The following MCM3 variants were observed in gnomAD, a reference collection of about 807,000 sequenced individuals.
MCM3 encodes minichromosome maintenance complex component 3.
A neutral mutation model predicts 91.3 loss-of-function variants in MCM3; 59 were observed. The ratio of observed to expected loss-of-function variants is 0.65; its 90% confidence interval spans 0.52 to 0.80. The LOEUF is 0.80. Ranked by LOEUF, MCM3 falls within the 30% of genes least tolerant of loss-of-function variation. MCM3 has a pLI of 0.00. For missense variants in MCM3, 919 were observed against 1,035.4 expected (o/e 0.89, Z 1.54); for synonymous variants, 383 against 379.6 (o/e 1.01, Z -0.10).
Position 52,276,495 on chromosome 6 carries a change from A to T in MCM3, c.1166-19T>A. ...CGCTCTCCTGGGAAGTGAGAAGGTA[A>T]AAATACGTGCTACAGTCTAGGTTAT... On this transcript the variant is annotated intron_variant, in intron 8 of 16. Transcript: ENST00000596288. 1.2e-6 allele frequency: 2 copies of T among 1,603,542 alleles called. No homozygotes were observed. Among genetic ancestry groups the T allele is most frequent in the Non-Finnish European group, 1.7e-6 (2 of 1,171,286 alleles).
Position 52,284,597 on chromosome 6 carries a change from CT to C in MCM3, c.77del (p.Glu26GlyfsTer14). 1 of 1,606,296 alleles carries C rather than the reference CT, an allele frequency of 6.2e-7. No individual in the cohort carries two copies. The highest frequency in any genetic ancestry group is 8.5e-7 in the Non-Finnish European group (1 of 1,178,028). ...GCCCGCGCGCCGGCGCCTCCCTCAC[CT>C]CGTCGTCCAGGAAGTCCAGGTAATC... ...QRDYLDFLDD[E>X]EDQGIYQSKV... On this transcript the variant is annotated frameshift_variant and splice_region_variant, in exon 1 of 17. Coordinates refer to ENST00000596288, the MANE Select transcript of MCM3 (RefSeq NM_002388.6). LOFTEE classifies it high-confidence loss of function.
At chr6:52,284,461 T>C (rs1487605770) in intron 1 of MCM3, 136 bp downstream of exon 1, 2 of 702,658 alleles carry the variant, frequency 2.8e-6, no homozygotes, top group Non-Finnish European at 4.5e-6. Context: ...GTTACAAGAT[T>C]GGGGCTGGAG....
At chr6:52,283,142 A>C in intron 2 of MCM3, 152 bp downstream of exon 2, 11 of 79,290 alleles carry the variant, frequency 1.4e-4, no homozygotes, top group Non-Finnish European at 2.2e-4. Flanking sequence ...CTTTTTGAAA[A>C]AAAAAAAAAA....
intron 12 of MCM3, among the ~76,000 whole-genome samples, chr6:52,269,706 G>A (rs1413368107): frequency 2.0e-5 from 3 of 152,208 alleles, no homozygotes; most frequent in African/African-American, 4.8e-5. Flanking sequence ...GGACAAAAAC[G>A]TAACTTCAGT....
intron 12 of MCM3, among the ~76,000 whole-genome samples, chr6:52,269,905 T>C (rs1048038373): frequency 1.3e-5 from 2 of 152,230 alleles, no homozygotes; most frequent in Admixed American, 6.5e-5. Context: ...GGACTAGATA[T>C]GTGTACAAGT....
intron 9 of MCM3, among the ~76,000 whole-genome samples, chr6:52,274,374 A>G (rs1562385118): frequency 6.6e-6 from 1 of 152,188 alleles, no homozygotes; most frequent in Non-Finnish European, 1.5e-5. Context: ...TCAATGATCT[A>G]TATATCATAA....
chr6:52,283,852 G>A (rs1766387649), intron 1 of MCM3, among the ~76,000 whole-genome samples: 1 of 151,888 alleles, frequency 6.6e-6, no homozygotes, highest in African/African-American at 2.4e-5. Flanking sequence ...ATCAAAACAT[G>A]TGCACTTCAA....
chr6:52,265,593 C>T (rs2294833), intron 16 of MCM3, among the ~76,000 whole-genome samples: 92,866 of 151,840 alleles, frequency 0.61, 28,577 homozygotes, highest in East Asian at 0.71. Context: ...AGTAAATACA[C>T]TGTATTATGT....
intron 10 of MCM3, 148 bp downstream of exon 10, chr6:52,273,594 G>T: frequency 2.4e-6 from 2 of 839,028 alleles, no homozygotes; most frequent in Non-Finnish European, 3.7e-6. Flanking sequence ...CCTCCACTAA[G>T]CAAGAAGGGG....
chr6:52,265,908 T>C (rs1764608656), intron 16 of MCM3, among the ~76,000 whole-genome samples, 167 bp downstream of exon 16: 1 of 152,202 alleles, frequency 6.6e-6, no homozygotes, highest in Non-Finnish European at 1.5e-5. Flanking sequence ...AACTTTTCAG[T>C]AAGTTTGAAA....
chr6:52,280,976 G>A (rs1766042134), intron 4 of MCM3, among the ~76,000 whole-genome samples: 1 of 152,180 alleles, frequency 6.6e-6, no homozygotes, highest in Admixed American at 6.5e-5. Flanking sequence ...TAATGACGAG[G>A]ACTGGGTCTT....
intron 4 of MCM3, among the ~76,000 whole-genome samples, chr6:52,281,832 A>G (rs1766125885): frequency 6.6e-6 from 1 of 152,204 alleles, no homozygotes; most frequent in Non-Finnish European, 1.5e-5. Flanking sequence ...GCAACATAGG[A>G]GAACCTCATC....
At chr6:52,270,802 T>C (rs3789777) in intron 12 of MCM3, among the ~76,000 whole-genome samples, 9,222 of 152,226 alleles carry the variant, frequency 0.061, 578 homozygotes, top group East Asian at 0.3. Flanking sequence ...AGACAGGCGA[T>C]ACACAACCTC....
intron 16 of MCM3, chr6:52,265,296 T>C: frequency 2.3e-6 from 1 of 439,938 alleles, no homozygotes. Flanking sequence ...CTTATGCCTG[T>C]AATCCCAGCC....
chr6:52,274,508 G>T lies in MCM3; in HGVS notation c.1375-592C>A, dbSNP rs557974004. 1.8e-4 allele frequency among the ~76,000 whole-genome samples: 28 copies of T among 151,934 alleles called. No individual in the cohort carries two copies. The East Asian group carries it at 4.8e-3, about 26-fold the overall frequency. ...CAGCCTGGGCAACATGCAAAACCCTGTCCCTATAAAAACTTAAAAAGAAAA... is the reference window on the plus strand; with the variant it reads ...CAGCCTGGGCAACATGCAAAACCCTTTCCCTATAAAAACTTAAAAAGAAAA... On this transcript the variant is annotated intron_variant, in intron 9 of 16. Transcript: ENST00000596288.
rs369017216 is a variant in MCM3 at position 52,284,738 on chromosome 6, G to A, written c.-64C>T. 3 of 1,551,958 alleles carry A rather than the reference G, an allele frequency of 1.9e-6. No homozygotes were observed. On this transcript the variant is annotated 5_prime_UTR_variant, in exon 1 of 17. Transcript: ENST00000596288. ...GAGGTTCCCAGGATGACTCCACCCCGGCGCGAAAACTTCCGAACTCTTCCC... is the reference window on the plus strand; with the variant it reads ...GAGGTTCCCAGGATGACTCCACCCCAGCGCGAAAACTTCCGAACTCTTCCC...
chr6:52,282,534 C>A (rs953762607), intron 3 of MCM3, 119 bp downstream of exon 3: 11 of 863,220 alleles, frequency 1.3e-5, no homozygotes, highest in Non-Finnish European at 2.0e-5. Context: ...AGTTTTACCA[C>A]GTAATTCCAA....
chr6:52,273,850 A>G lies in MCM3; in HGVS notation c.1441T>C (p.Leu481=). The change falls in exon 10 of 17, where the codon TTG becomes CTG. Residue 481 remains leucine (L), a synonymous_variant. Transcript: ENST00000596288. ...ATCTGATCCAGCATGATGAAGAGCA[A>G]GTCAAATCGTGACAGCAGTGAGTCC... is the stretch of plus-strand genomic sequence containing the variant. The part of the protein sequence containing the change: ...LQDSLLSRFD[L]LFIMLDQMDP... 1 of 1,614,190 alleles carries G rather than the reference A, an allele frequency of 6.2e-7. No individual in the cohort carries two copies. Among genetic ancestry groups the G allele is most frequent in the East Asian group, 2.2e-5 (1 of 44,882 alleles).
At chr6:52,266,448 A>G (rs1389188380) in intron 15 of MCM3, among the ~76,000 whole-genome samples, 163 bp downstream of exon 15, 1 of 152,212 alleles carries the variant, frequency 6.6e-6, no homozygotes, top group African/African-American at 2.4e-5. Context: ...AGCTTTTTCC[A>G]AAGTTTCCCC....
Sources: gnomAD v4.1 joint callset for allele counts (sites outside exome capture counted in the v4.1 genomes callset) on GRCh38, gnomAD v4.1.1 for gene constraint, MANE v1.5 for transcripts, NCBI Gene and HGNC (gene_info 2026-07-23, HGNC 2026-07-21) for gene names.